The following ARB2A variants were observed in gnomAD, a reference collection of about 807,000 sequenced individuals.
ARB2A encodes cotranscriptional regulator ARB2A.
At chr5:94,032,404 A>T in the ARB2A span, among the ~76,000 whole-genome samples, 5 of 152,174 alleles carry the variant, frequency 3.3e-5, no homozygotes, top group African/African-American at 1.2e-4. Flanking sequence ...AAACACGTTT[A>T]AACAAGCAGA....
the ARB2A span, among the ~76,000 whole-genome samples, chr5:94,011,892 A>G: frequency 2.7e-5 from 4 of 150,504 alleles, no homozygotes; most frequent in Non-Finnish European, 5.9e-5. Context: ...TTAAAAAAAA[A>G]AAAAAAAGAC....
chr5:93,909,095 T>C, the ARB2A span, among the ~76,000 whole-genome samples: 71 of 151,162 alleles, frequency 4.7e-4, no homozygotes, highest in Non-Finnish European at 8.0e-4. Flanking sequence ...GAAGTATACC[T>C]ATAAATTTTC....
At chr5:93,683,670 G>A in the ARB2A span, 3 of 1,607,318 alleles carry the variant, frequency 1.9e-6, no homozygotes, top group South Asian at 2.2e-5. Flanking sequence ...CGAAAAGATA[G>A]TTCTGGGGCC....
At chr5:93,971,624 A>G in the ARB2A span, among the ~76,000 whole-genome samples, 1 of 151,690 alleles carries the variant, frequency 6.6e-6, no homozygotes, top group South Asian at 2.1e-4. Context: ...CAAAAATACA[A>G]TATTTATTCT....
At chr5:94,066,421 AGCAC>A in the ARB2A span, among the ~76,000 whole-genome samples, 1 of 122,832 alleles carries the variant, frequency 8.1e-6, no homozygotes, top group African/African-American at 3.4e-5. Context: ...TGCCAGACTA[AGCAC>A]ACACACACAC....
the ARB2A span, chr5:94,055,936 T>C: frequency 5.2e-5 from 51 of 982,680 alleles, no homozygotes; most frequent in Admixed American, 6.1e-5. Flanking sequence ...ATATATCACT[T>C]TAAAGATTTC....
chr5:94,084,224 AG>A, the ARB2A span, among the ~76,000 whole-genome samples: 1 of 149,968 alleles, frequency 6.7e-6, no homozygotes, highest in African/African-American at 2.5e-5. Context: ...CAGGGAGCAC[AG>A]ATTGCACTAC....
the ARB2A span, among the ~76,000 whole-genome samples, chr5:94,043,673 A>G: frequency 6.6e-6 from 1 of 152,178 alleles, no homozygotes; most frequent in African/African-American, 2.4e-5. Flanking sequence ...CAAATAAAAA[A>G]TGTCACTTTC....
chr5:94,074,951 T>C, the ARB2A span, among the ~76,000 whole-genome samples: 3 of 152,062 alleles, frequency 2.0e-5, no homozygotes, highest in Non-Finnish European at 4.4e-5. Context: ...TTTATCTGAG[T>C]CAGCTAATGG....
the ARB2A span, among the ~76,000 whole-genome samples, chr5:93,765,544 G>C: frequency 6.6e-6 from 1 of 152,188 alleles, no homozygotes. Context: ...TGAAATGAAA[G>C]AGGATACAAA....
At chr5:93,990,762 T>G in the ARB2A span, among the ~76,000 whole-genome samples, 15 of 151,880 alleles carry the variant, frequency 9.9e-5, no homozygotes, top group Non-Finnish European at 2.9e-5. Flanking sequence ...TAAAATGTAT[T>G]AAACTGTTTC....
the ARB2A span, among the ~76,000 whole-genome samples, chr5:94,061,612 A>G: frequency 6.6e-6 from 1 of 152,232 alleles, no homozygotes; most frequent in Non-Finnish European, 1.5e-5. Flanking sequence ...ACAGTATATA[A>G]TATCAACACA....
chr5:93,741,531 G>C, the ARB2A span: 1 of 1,598,870 alleles, frequency 6.3e-7, no homozygotes, highest in Non-Finnish European at 8.5e-7. Flanking sequence ...CTGGAAGGGG[G>C]CAGAAGTGGT....
the ARB2A span, among the ~76,000 whole-genome samples, chr5:93,831,947 T>C: frequency 2.6e-4 from 39 of 152,222 alleles, 1 homozygote; most frequent in African/African-American, 8.9e-4. Flanking sequence ...TTAAACCAAA[T>C]ATTCTAAAAA....
the ARB2A span, among the ~76,000 whole-genome samples, chr5:94,008,847 A>T: frequency 6.6e-6 from 1 of 152,140 alleles, no homozygotes; most frequent in Non-Finnish European, 1.5e-5. Context: ...TACTGATTCC[A>T]ACTTCAATTA....
chr5:93,953,212 T>A, the ARB2A span, among the ~76,000 whole-genome samples: 1 of 152,202 alleles, frequency 6.6e-6, no homozygotes, highest in Non-Finnish European at 1.5e-5. Context: ...TGCTTGCGGA[T>A]GTTTGTCGGT....
At chr5:93,993,345 A>G in the ARB2A span, among the ~76,000 whole-genome samples, 1 of 152,072 alleles carries the variant, frequency 6.6e-6, no homozygotes, top group Non-Finnish European at 1.5e-5. Flanking sequence ...ACTATATGCA[A>G]TCCCATAGTG....
the ARB2A span, among the ~76,000 whole-genome samples, chr5:93,989,513 A>G: frequency 2.5e-4 from 38 of 152,040 alleles, 1 homozygote; most frequent in African/African-American, 8.9e-4. Flanking sequence ...CTATCATCCC[A>G]ATCCCCTGTT....
chr5:94,015,987 C>T, the ARB2A span, among the ~76,000 whole-genome samples: 21 of 152,084 alleles, frequency 1.4e-4, no homozygotes, highest in African/African-American at 5.1e-4. Context: ...AATTAAAAAG[C>T]ACCCAGTTGC....
Sources: allele counts gnomAD v4.1 joint callset (sites outside exome capture counted in the v4.1 genomes callset), GRCh38; gene constraint gnomAD v4.1.1; transcripts MANE v1.5; gene names NCBI Gene and HGNC (gene_info 2026-07-23, HGNC 2026-07-21).